ROBO2: variants seen among roughly 807,000 people sequenced by gnomAD.
The protein encoded by ROBO2 is roundabout guidance receptor 2.
In ROBO2, 53 loss-of-function variants were observed where a neutral mutation model predicts 160.8. The observed-to-expected ratio is 0.33, with a 90% CI of 0.26 to 0.41. The LOEUF is 0.41. ROBO2 is among the 10% of genes least tolerant of loss of function. The pLI is 1.00. For synonymous variants in ROBO2, 664 were observed against 611.7 expected (o/e 1.09, Z -1.26); for missense variants, 1,577 against 1,722.4 (o/e 0.92, Z 1.49).
rs529884813 is a variant in ROBO2 at position 76,047,742 on chromosome 3, A to C, written c.109+110140A>C. Among the ~76,000 whole-genome samples the C allele has an allele frequency of 8.5e-5, 13 of 152,340 alleles. 1 individual carries two copies. The South Asian group carries it at 2.7e-3, about 32-fold the overall frequency. On this transcript the variant is annotated intron_variant, in intron 2 of 26. Transcript: ENST00000487694. ...GCCTGCGTGCATGATGTATGTCTGGAAAGCATGTACATTCTTCAACCCCAG... is the reference window on the plus strand; with the variant it reads ...GCCTGCGTGCATGATGTATGTCTGGCAAGCATGTACATTCTTCAACCCCAG...
At chr3:76,239,406 A>G (rs937664848) in intron 2 of ROBO2, among the ~76,000 whole-genome samples, 1 of 151,928 alleles carries the variant, frequency 6.6e-6, no homozygotes, top group Non-Finnish European at 1.5e-5. Context: ...GATAATGTGT[A>G]TATAAGTATG....
intron 2 of ROBO2, among the ~76,000 whole-genome samples, chr3:76,442,747 C>CTG (rs2076984685): frequency 6.6e-6 from 1 of 152,154 alleles, no homozygotes. Context: ...TATAGCCACA[C>CTG]TGTATGTACT....
rs572389862 is a variant in ROBO2 at position 77,200,849 on chromosome 3, G to A, written c.388+102509G>A. ...CTGAATAACATACCAACTGGCAAGC[G>A]AGGGTTACCACAGACACCATAGGCC... On this transcript the variant is annotated intron_variant, in intron 2 of 25. Coordinates refer to ENST00000461745, the Ensembl canonical transcript of ROBO2. 6.6e-5 allele frequency among the ~76,000 whole-genome samples: 10 copies of A among 152,250 alleles called. No homozygotes were observed. The South Asian group carries it at 1.5e-3, about 22-fold the overall frequency.
intron 2 of ROBO2, among the ~76,000 whole-genome samples, chr3:77,269,995 A>T (rs1402695902): frequency 6.6e-6 from 1 of 152,212 alleles, no homozygotes; most frequent in Non-Finnish European, 1.5e-5. Context: ...AAAATAAAAA[A>T]TGATGATGTA....
At chr3:77,621,509 A>T (rs2153705556) in intron 22 of ROBO2, among the ~76,000 whole-genome samples, 1 of 152,304 alleles carries the variant, frequency 6.6e-6, no homozygotes, top group Admixed American at 6.5e-5. Context: ...TGAGATTAGA[A>T]TTATTTATTC....
chr3:76,873,600 CGTA>C lies in ROBO2; in HGVS notation c.110-224404_110-224402del, dbSNP rs572771816. 3.1e-3 allele frequency among the ~76,000 whole-genome samples: 463 copies of C among 151,766 alleles called. 3 individuals are homozygous for C. The highest frequency in any genetic ancestry group is 5.4e-3 in the Non-Finnish European group (366 of 67,854). On this transcript the variant is annotated intron_variant, in intron 2 of 26. Coordinates refer to the ROBO2 transcript ENST00000487694. ...TCGTCGTCGTCGTCGTTGTCGTCGTCGTAGTAGTAGTATGAAATGAGGGTCTTA... is the reference window on the plus strand; with the variant it reads ...TCGTCGTCGTCGTCGTTGTCGTCGTCGTAGTAGTATGAAATGAGGGTCTTA...
intron 1 of ROBO2, among the ~76,000 whole-genome samples, chr3:77,059,442 G>A (rs567941738): frequency 3.9e-5 from 6 of 152,158 alleles, no homozygotes; most frequent in South Asian, 4.1e-4. Context: ...CCTATAAGGC[G>A]TAAAATTTCA....
chr3:77,197,840 A>C (rs745505340), intron 2 of ROBO2, among the ~76,000 whole-genome samples: 1 of 152,134 alleles, frequency 6.6e-6, no homozygotes, highest in East Asian at 1.9e-4. Flanking sequence ...ATGCACCTAG[A>C]ATGTGGAGAA....
intron 2 of ROBO2, among the ~76,000 whole-genome samples, chr3:76,715,793 G>T (rs1232783780): frequency 6.6e-6 from 1 of 152,056 alleles, no homozygotes; most frequent in Non-Finnish European, 1.5e-5. Context: ...ATACACAGAG[G>T]CTTTCAATCC....
intron 2 of ROBO2, among the ~76,000 whole-genome samples, chr3:77,018,801 A>C (rs978355393): frequency 6.6e-6 from 1 of 152,186 alleles, no homozygotes; most frequent in Non-Finnish European, 1.5e-5. Flanking sequence ...TGAGATTCCT[A>C]GAGTAGTAAA....
intron 2 of ROBO2, among the ~76,000 whole-genome samples, chr3:77,294,026 A>G (rs1441398485): frequency 2.1e-5 from 3 of 140,132 alleles, no homozygotes; most frequent in Admixed American, 7.5e-5. Flanking sequence ...GATCACCCAG[A>G]CATAAAGTAA....
At chr3:77,320,496 T>A (rs1391585207) in intron 2 of ROBO2, among the ~76,000 whole-genome samples, 1 of 152,074 alleles carries the variant, frequency 6.6e-6, no homozygotes, top group Non-Finnish European at 1.5e-5. Flanking sequence ...TCCTTTTGCC[T>A]CTAGAGGGAC....
intron 2 of ROBO2, among the ~76,000 whole-genome samples, chr3:77,462,604 T>A (rs932365773): frequency 6.6e-6 from 1 of 152,230 alleles, no homozygotes. Context: ...AAAGACAGTA[T>A]AATTTGAAAA....
At chr3:77,475,537 G>A (rs2083898666) in intron 2 of ROBO2, among the ~76,000 whole-genome samples, 1 of 152,182 alleles carries the variant, frequency 6.6e-6, no homozygotes, top group Non-Finnish European at 1.5e-5. Flanking sequence ...TTTTAGGAGA[G>A]CAGATCTGGA....
intron 2 of ROBO2, among the ~76,000 whole-genome samples, chr3:77,322,237 C>G (rs2064790779): frequency 6.6e-6 from 1 of 152,100 alleles, no homozygotes; most frequent in African/African-American, 2.4e-5. Context: ...TGTTTTTGTG[C>G]TTCTTTGACT....
At chr3:77,401,211 A>T (rs2075766352) in intron 2 of ROBO2, among the ~76,000 whole-genome samples, 1 of 151,744 alleles carries the variant, frequency 6.6e-6, no homozygotes, top group Admixed American at 6.6e-5. Flanking sequence ...CTATGAGCTT[A>T]CATTTTATTT....
At chr3:76,500,096 GA>G (rs1350641673) in intron 2 of ROBO2, among the ~76,000 whole-genome samples, 1 of 152,020 alleles carries the variant, frequency 6.6e-6, no homozygotes, top group African/African-American at 2.4e-5. Context: ...GTGGTGGGGG[GA>G]CAGTAAAAAT....
intron 2 of ROBO2, among the ~76,000 whole-genome samples, chr3:77,452,078 C>A (rs2081178351): frequency 6.6e-6 from 1 of 151,978 alleles, no homozygotes; most frequent in African/African-American, 2.4e-5. Context: ...CTTCTTTCTT[C>A]CCTTCATTCT....
At position 76,598,383 on chromosome 3, in the gene ROBO2, TGTG is replaced by T. The variant is rs2086880412; in HGVS notation, c.110-499628_110-499626del. Among the ~76,000 whole-genome samples, 3 of 152,206 alleles carry T rather than the reference TGTG, an allele frequency of 2.0e-5. No homozygotes were observed. The South Asian group carries it at 6.2e-4, about 32-fold the overall frequency. ...CTTCTGAGGAGCTGGAACTATATAA[TGTG>T]GTAGTGAATATGCATGTGATAAAAT... On this transcript the variant is annotated intron_variant, in intron 2 of 26. Coordinates refer to the ROBO2 transcript ENST00000487694.
Sources: gnomAD v4.1 joint callset for allele counts (sites outside exome capture counted in the v4.1 genomes callset) on GRCh38, gnomAD v4.1.1 for gene constraint, MANE v1.5 for transcripts, NCBI Gene and HGNC (gene_info 2026-07-23, HGNC 2026-07-21) for gene names.